Variants in RBFOX1 observed in about 807,000 individuals in gnomAD.
RBFOX1 encodes RNA binding fox-1 homolog 1.
A neutral mutation model predicts 57.7 loss-of-function variants in RBFOX1; 8 were observed. The observed-to-expected ratio is 0.14, with a 90% CI of 0.08 to 0.25. RBFOX1 has a LOEUF of 0.25. Among genes scored for constraint, RBFOX1 ranks in the 10% least tolerant of loss-of-function variants. The probability of loss-of-function intolerance (pLI) is 1.00; values close to 1 mark genes in which losing one functional copy is unlikely to be tolerated. For synonymous variants in RBFOX1, 326 were observed against 222.4 expected (o/e 1.47, Z -4.15); for missense variants, 611 against 548.5 (o/e 1.11, Z -1.14).
At chr16:5,778,756 C>A (rs533935645) in intron 3 of RBFOX1, among the ~76,000 whole-genome samples, 1 of 152,084 alleles carries the variant, frequency 6.6e-6, no homozygotes, top group Non-Finnish European at 1.5e-5. Context: ...AGAGTTTTCC[C>A]CTAGTTTGAG....
At chr16:7,401,167 A>T (rs906934203) in intron 4 of RBFOX1, among the ~76,000 whole-genome samples, 5 of 152,212 alleles carry the variant, frequency 3.3e-5, no homozygotes, top group South Asian at 4.1e-4. Flanking sequence ...GCTATTTTTT[A>T]AAAAATGTAT....
chr16:7,337,413 T>G (rs1421855655), intron 4 of RBFOX1, among the ~76,000 whole-genome samples: 1 of 152,156 alleles, frequency 6.6e-6, no homozygotes, highest in Non-Finnish European at 1.5e-5. Flanking sequence ...ACGACTTGTT[T>G]AGTAGAGCAG....
chr16:6,640,975 T>C (rs1448295666), intron 2 of RBFOX1, among the ~76,000 whole-genome samples: 1 of 152,156 alleles, frequency 6.6e-6, no homozygotes, highest in African/African-American at 2.4e-5. Context: ...GAAGGCCTGC[T>C]TTCTTTTTAG....
intron 3 of RBFOX1, among the ~76,000 whole-genome samples, chr16:6,959,532 C>T (rs550508023): frequency 6.2e-4 from 94 of 152,152 alleles, no homozygotes; most frequent in Middle Eastern, 3.4e-3. Flanking sequence ...ATTCTGTGTG[C>T]ATTTGGACCC....
chr16:5,257,840 T>C (rs2062627761), intron 1 of RBFOX1, among the ~76,000 whole-genome samples: 1 of 151,994 alleles, frequency 6.6e-6, no homozygotes, highest in African/African-American at 2.4e-5. Context: ...AAAAAAATCA[T>C]TTTTTTGGGG....
intron 3 of RBFOX1, among the ~76,000 whole-genome samples, chr16:6,983,179 C>CCCTTT (rs1385308170): frequency 1.3e-5 from 2 of 151,982 alleles, no homozygotes; most frequent in African/African-American, 4.8e-5. Flanking sequence ...CAAGCCTCTA[C>CCCTTT]CCTTTCCTTG....
At chr16:7,412,970 A>G (rs376923757) in intron 4 of RBFOX1, among the ~76,000 whole-genome samples, 3 of 152,242 alleles carry the variant, frequency 2.0e-5, no homozygotes, top group African/African-American at 7.2e-5. Context: ...TGAACCCGGG[A>G]GGCGGAGCTT....
chr16:6,693,662 A>C (rs547603205), intron 3 of RBFOX1, among the ~76,000 whole-genome samples: 2 of 149,720 alleles, frequency 1.3e-5, no homozygotes, highest in African/African-American at 4.9e-5. Context: ...CATCATCATC[A>C]TCCTCATCTG....
At chr16:5,903,840 C>T (rs1188784645) in intron 4 of RBFOX1, among the ~76,000 whole-genome samples, 7 of 152,148 alleles carry the variant, frequency 4.6e-5, no homozygotes, top group Admixed American at 4.6e-4. Context: ...TGCGAGGGAC[C>T]ATAGGAAAGC....
intron 4 of RBFOX1, among the ~76,000 whole-genome samples, chr16:7,358,697 A>G (rs1046633819): frequency 1.3e-5 from 2 of 152,134 alleles, no homozygotes; most frequent in Non-Finnish European, 2.9e-5. Flanking sequence ...TGGGATTACA[A>G]GCGTGAACCA....
intron 3 of RBFOX1, among the ~76,000 whole-genome samples, chr16:6,947,426 A>C (rs1298787957): frequency 6.6e-6 from 1 of 152,148 alleles, no homozygotes; most frequent in Non-Finnish European, 1.5e-5. Flanking sequence ...GGGAGAATGG[A>C]GACTGGCTTC....
At chr16:6,601,994 C>G (rs1055450276) in intron 2 of RBFOX1, among the ~76,000 whole-genome samples, 3 of 152,162 alleles carry the variant, frequency 2.0e-5, no homozygotes, top group African/African-American at 7.2e-5. Context: ...TCAGGTAGGA[C>G]AGGGGATGGA....
At chr16:6,621,929 G>A (rs1238146238) in intron 2 of RBFOX1, among the ~76,000 whole-genome samples, 2 of 152,190 alleles carry the variant, frequency 1.3e-5, no homozygotes, top group East Asian at 1.9e-4. Context: ...AGAGCTAAGA[G>A]AGAGTTATGG....
intron 2 of RBFOX1, among the ~76,000 whole-genome samples, chr16:6,475,891 A>G (rs1476387939): frequency 1.3e-5 from 2 of 152,160 alleles, no homozygotes; most frequent in East Asian, 1.9e-4. Flanking sequence ...TACTTCAAGG[A>G]TAAGATTGAT....
intron 1 of RBFOX1, among the ~76,000 whole-genome samples, chr16:5,240,328 C>G (rs1165078965): frequency 6.6e-6 from 1 of 152,196 alleles, no homozygotes; most frequent in East Asian, 1.9e-4. Flanking sequence ...CACGACGTCC[C>G]TGGCCAGGAG....
chr16:5,868,156 AT>A (rs1272750061), intron 4 of RBFOX1, among the ~76,000 whole-genome samples: 3 of 152,210 alleles, frequency 2.0e-5, no homozygotes, highest in Non-Finnish European at 4.4e-5. Flanking sequence ...TTGTAATGTA[AT>A]GGGCTCCTGC....
At chr16:5,882,330 A>G (rs1191881540) in intron 4 of RBFOX1, among the ~76,000 whole-genome samples, 1 of 152,220 alleles carries the variant, frequency 6.6e-6, no homozygotes, top group African/African-American at 2.4e-5. Flanking sequence ...CATTCAACTC[A>G]AAGATGGAAC....
chr16:6,567,946 G>A (rs1245954318), intron 2 of RBFOX1, among the ~76,000 whole-genome samples: 7 of 152,000 alleles, frequency 4.6e-5, no homozygotes, highest in Non-Finnish European at 8.8e-5. Context: ...TCAGCCTCCC[G>A]AGTAGCTGGG....
At chr16:7,420,597 TC>T (rs1421648651) in intron 4 of RBFOX1, among the ~76,000 whole-genome samples, 3 of 152,080 alleles carry the variant, frequency 2.0e-5, no homozygotes, top group Non-Finnish European at 2.9e-5. Context: ...TTTTTTTCTT[TC>T]CCTTTCTGAT....
Sources: allele counts gnomAD v4.1 joint callset (sites outside exome capture counted in the v4.1 genomes callset), GRCh38; gene constraint gnomAD v4.1.1; transcripts MANE v1.5; gene names NCBI Gene and HGNC (gene_info 2026-07-23, HGNC 2026-07-21).